SMYD3: variants seen among roughly 807,000 people sequenced by gnomAD.
SMYD3 encodes SET and MYND domain containing 3.
SMYD3 carries 36 observed loss-of-function variants against 57.7 expected under a neutral mutation model. The observed-to-expected ratio is 0.62, with a 90% CI of 0.48 to 0.82. The LOEUF is 0.82. Ranked by LOEUF, SMYD3 falls within the 40% of genes least tolerant of loss-of-function variation. SMYD3 has a pLI of 0.00. For missense variants in SMYD3, 515 were observed against 538.8 expected (o/e 0.96, Z 0.44); for synonymous variants, 211 against 195.0 (o/e 1.08, Z -0.68).
intron 5 of SMYD3, among the ~76,000 whole-genome samples, chr1:245,949,460 A>G (rs2057542664): frequency 6.6e-6 from 1 of 152,074 alleles, no homozygotes; most frequent in Admixed American, 6.5e-5. Flanking sequence ...AAAAAGAAAA[A>G]GAAAAAAAAT....
At chr1:246,481,042 C>T (rs1473048009) in intron 1 of SMYD3, among the ~76,000 whole-genome samples, 6 of 152,108 alleles carry the variant, frequency 3.9e-5, no homozygotes, top group South Asian at 2.1e-4. Flanking sequence ...TCAAGTGATC[C>T]GTCCACCTTG....
intron 1 of SMYD3, among the ~76,000 whole-genome samples, chr1:246,359,057 T>C (rs1189212015): frequency 3.9e-5 from 6 of 152,004 alleles, no homozygotes; most frequent in Non-Finnish European, 5.9e-5. Flanking sequence ...ATAAAACTGA[T>C]AGACCATTAG....
chr1:246,400,446 G>A (rs895677086), intron 1 of SMYD3, among the ~76,000 whole-genome samples: 10 of 152,128 alleles, frequency 6.6e-5, no homozygotes, highest in African/African-American at 2.2e-4. Flanking sequence ...AGGTTGCCCA[G>A]GCTGGTCTCA....
chr1:246,319,190 C>T (rs1475795355), intron 5 of SMYD3, among the ~76,000 whole-genome samples: 1 of 152,212 alleles, frequency 6.6e-6, no homozygotes, highest in African/African-American at 2.4e-5. Flanking sequence ...ATGCCAGGAT[C>T]TGCATGCAGT....
At chr1:245,896,880 A>T (rs1214893741) in intron 8 of SMYD3, among the ~76,000 whole-genome samples, 1 of 20,036 alleles carries the variant, frequency 5.0e-5, no homozygotes, top group Non-Finnish European at 2.5e-4. Flanking sequence ...ACCAGACAGA[A>T]GGGAAGAGCA....
chr1:245,902,987 G>T (rs570787026), intron 8 of SMYD3, among the ~76,000 whole-genome samples: 2 of 152,184 alleles, frequency 1.3e-5, no homozygotes, highest in South Asian at 2.1e-4. Context: ...TTCAGAAAAA[G>T]ATATCAAAGA....
chr1:246,407,212 G>A (rs539594440), intron 1 of SMYD3, among the ~76,000 whole-genome samples: 1 of 152,328 alleles, frequency 6.6e-6, no homozygotes, highest in South Asian at 2.1e-4. Context: ...GGTCTAGATT[G>A]TAACTGCTGA....
At chr1:246,366,571 T>C in intron 1 of SMYD3, among the ~76,000 whole-genome samples, 1 of 136,552 alleles carries the variant, frequency 7.3e-6, no homozygotes, top group Non-Finnish European at 1.6e-5. Flanking sequence ...TCTTTTTCTC[T>C]TAAAAAAAAA....
At chr1:246,452,765 G>A (rs1285405733) in intron 1 of SMYD3, among the ~76,000 whole-genome samples, 2 of 152,092 alleles carry the variant, frequency 1.3e-5, no homozygotes, top group South Asian at 2.1e-4. Context: ...TGATTTTAAC[G>A]CTTAGCAAAA....
chr1:245,854,479 C>G (rs1167161904), intron 10 of SMYD3, among the ~76,000 whole-genome samples: 1 of 152,084 alleles, frequency 6.6e-6, no homozygotes, highest in Non-Finnish European at 1.5e-5. Context: ...AGATGAAATA[C>G]TATGTATCTG....
intron 1 of SMYD3, among the ~76,000 whole-genome samples, chr1:246,492,725 G>A (rs1408000945): frequency 1.3e-5 from 2 of 152,154 alleles, no homozygotes; most frequent in Non-Finnish European, 2.9e-5. Flanking sequence ...ACAACTACAT[G>A]TACCACTACA....
At chr1:246,247,503 C>CATATATATAT (rs150218563) in intron 5 of SMYD3, among the ~76,000 whole-genome samples, 3,137 of 144,086 alleles carry the variant, frequency 0.022, 130 homozygotes, top group African/African-American at 0.077. Context: ...ACATGGGACT[C>CATATATATAT]ATATATATAT....
chr1:246,123,857 C>T (rs76168967), intron 5 of SMYD3, among the ~76,000 whole-genome samples: 1,883 of 152,118 alleles, frequency 0.012, 25 homozygotes, highest in African/African-American at 0.038. Flanking sequence ...GAACCGTTAA[C>T]GAAATGGCAA....
chr1:246,289,522 T>C (rs1279918463), intron 5 of SMYD3, among the ~76,000 whole-genome samples: 1 of 152,222 alleles, frequency 6.6e-6, no homozygotes, highest in Non-Finnish European at 1.5e-5. Context: ...TCTTTGGCAT[T>C]TCGTTTTGTA....
Position 246,255,979 on chromosome 1 carries a change from T to TAGAC in SMYD3, c.531+71221_531+71222insGTCT, listed in dbSNP as rs201080839. Among the ~76,000 whole-genome samples the TAGAC allele has an allele frequency of 1.4e-3, 200 of 147,752 alleles. 1 individual carries two copies. Among genetic ancestry groups the TAGAC allele is most frequent in the Middle Eastern group, 6.9e-3 (2 of 288 alleles). ...ATAGATAGATAGATAGATAGATAGA[T>TAGAC]AGATAGATACACACACACATACATA... On this transcript the variant is annotated intron_variant, in intron 5 of 11. Coordinates refer to ENST00000490107, the MANE Select transcript of SMYD3 (RefSeq NM_001167740.2).
intron 5 of SMYD3, among the ~76,000 whole-genome samples, chr1:245,989,563 G>C (rs79227936): frequency 2.6e-5 from 4 of 152,158 alleles, no homozygotes; most frequent in African/African-American, 9.7e-5. Flanking sequence ...TTCATTCAAT[G>C]CCACATGAGT....
chr1:245,916,841 C>G (rs2055461667), intron 7 of SMYD3, among the ~76,000 whole-genome samples: 1 of 152,162 alleles, frequency 6.6e-6, no homozygotes, highest in South Asian at 2.1e-4. Flanking sequence ...CCCACTTTGC[C>G]TGAGTGAAGG....
At chr1:246,437,186 C>G (rs1248828731) in intron 1 of SMYD3, among the ~76,000 whole-genome samples, 1 of 152,126 alleles carries the variant, frequency 6.6e-6, no homozygotes. Flanking sequence ...GAGTTTCTTA[C>G]TGTATCTGCA....
chr1:246,112,614 C>T (rs6426274), intron 5 of SMYD3, among the ~76,000 whole-genome samples: 24,786 of 152,020 alleles, frequency 0.16, 3,612 homozygotes, highest in African/African-American at 0.39. Flanking sequence ...AAGGCTACTG[C>T]AGAATTTACA....
Sources: gnomAD v4.1 joint callset for allele counts (sites outside exome capture counted in the v4.1 genomes callset) on GRCh38, gnomAD v4.1.1 for gene constraint, MANE v1.5 for transcripts, NCBI Gene and HGNC (gene_info 2026-07-23, HGNC 2026-07-21) for gene names.